The following PCDHGB2 variants were observed in gnomAD, a reference collection of about 807,000 sequenced individuals.
PCDHGB2 encodes the protein protocadherin gamma subfamily B, 2, also known as protocadherin gamma-B2.
In PCDHGB2, 55 loss-of-function variants were observed where a neutral mutation model predicts 59.3. That is an observed-to-expected ratio of 0.93 (90% CI 0.75 to 1.16). The LOEUF (loss-of-function observed/expected upper bound fraction) is 1.16, where lower values mean the gene tolerates loss of function less well. PCDHGB2 is among the 50% of genes most tolerant of loss of function. The probability of loss-of-function intolerance (pLI) is 0.00; values close to 1 mark genes in which losing one functional copy is unlikely to be tolerated. For synonymous variants in PCDHGB2, 516 were observed against 512.0 expected, an observed-to-expected ratio of 1.01 and a Z score of -0.11; for missense variants, 1,228 against 1,198.5, an observed-to-expected ratio of 1.02 and a Z score of -0.36.
At chr5:141,400,264 C>G (rs1184804812) in intron 1 of PCDHGB2, 2 of 1,614,058 alleles carry the variant, frequency 1.2e-6, no homozygotes. Context: ...GCGCCTGCGA[C>G]GCTCCTCCAG....
intron 1 of PCDHGB2, among the ~76,000 whole-genome samples, chr5:141,454,796 A>AT (rs61612330): frequency 0.026 from 2,045 of 77,400 alleles, 387 homozygotes; most frequent in East Asian, 0.04. Flanking sequence ...CATGGTTCTA[A>AT]TTTTTTTTTT....
At position 141,431,735 on chromosome 5, in the gene PCDHGB2, G is replaced by A. The variant is rs2097411908; in HGVS notation, c.2422-63072G>A. 1.2e-6 allele frequency: 2 copies of A among 1,614,118 alleles called. No homozygotes were observed. Among genetic ancestry groups the A allele is most frequent in the Non-Finnish European group, 1.7e-6 (2 of 1,180,056 alleles). On this transcript the variant is annotated intron_variant, in intron 1 of 3. Transcript: ENST00000522605. The surrounding 1 kb of genome is among the most constrained non-coding windows in gnomAD (Gnocchi z 4.8). ...GGAAGTGCAAGCAATGGATAATGCAGGATATTCTGCGCGAGCCAAAGTCCT... is the reference window on the plus strand; with the variant it reads ...GGAAGTGCAAGCAATGGATAATGCAAGATATTCTGCGCGAGCCAAAGTCCT...
At chr5:141,407,032 CAT>C (rs2094880022) in intron 1 of PCDHGB2, among the ~76,000 whole-genome samples, 1 of 152,174 alleles carries the variant, frequency 6.6e-6, no homozygotes, top group African/African-American at 2.4e-5. Flanking sequence ...CTATGCTAAA[CAT>C]GTGATCCATA....
intron 1 of PCDHGB2, chr5:141,415,644 A>G: frequency 6.2e-7 from 1 of 1,600,070 alleles, no homozygotes; most frequent in Non-Finnish European, 8.5e-7. Flanking sequence ...CTTTTGTTAA[A>G]AAAAAAAAGA....
rs140184617 is a variant in PCDHGB2, at chr5:141,405,523, G to A, written c.2421+42967G>A. ...CAACCTCCGCCTCCCAAATTCAAGC[G>A]ATTCTCCTGCCTCAGCCTCCCAAGT... is the stretch of plus-strand genomic sequence containing the variant. On this transcript the variant is annotated intron_variant, in intron 1 of 3. Transcript: ENST00000522605. 5.4e-4 allele frequency: 366 copies of A among 679,318 alleles called. 4 individuals carry two copies. In the East Asian group the frequency reaches 9.7e-3, roughly 18 times the overall value. The allele number at this position is 679,318 out of a possible 1,614,324, so 42.1% of individuals were successfully genotyped here.
chr5:141,471,206 T>C (rs113465424), intron 1 of PCDHGB2: 16,891 of 151,686 alleles, frequency 0.11, 970 homozygotes, highest in South Asian at 0.15. Context: ...CCCACCCCCA[T>C]GCCTGGCAAT....
At chr5:141,385,263 T>C in intron 1 of PCDHGB2, 1 of 1,613,672 alleles carries the variant, frequency 6.2e-7, no homozygotes, top group Non-Finnish European at 8.5e-7. Flanking sequence ...GTGAGAAAAA[T>C]GATTCTTTGC....
Position 141,384,659 on chromosome 5 carries a change from T to A in PCDHGB2, c.2421+22103T>A, listed in dbSNP as rs375759581. ...CCCCGCTCCGCAGAGCCCGGCTACC[T>A]GGTGACCAAGGTGGTGGCGGTGGAC... is the stretch of plus-strand genomic sequence containing the variant. On this transcript the variant is annotated intron_variant, in intron 1 of 3. Transcript: ENST00000522605. The A allele has an allele frequency of 3.1e-6, 5 of 1,614,076 alleles. No individual in the cohort carries two copies. In the African/African-American group the frequency reaches 6.7e-5, roughly 22 times the overall value.
intron 1 of PCDHGB2, chr5:141,366,727 A>G: frequency 1.2e-6 from 2 of 1,613,036 alleles, no homozygotes; most frequent in Non-Finnish European, 1.7e-6. Context: ...AGGTAGATGC[A>G]AACAAAGAAG....
intron 1 of PCDHGB2, chr5:141,372,737 A>G (rs1451601916): frequency 6.2e-7 from 1 of 1,613,388 alleles, no homozygotes; most frequent in African/African-American, 1.3e-5. Context: ...AAGATCTTCT[A>G]TGTGATGAAG....
At chr5:141,433,422 A>G (rs1172678396) in intron 1 of PCDHGB2, among the ~76,000 whole-genome samples, 1 of 150,646 alleles carries the variant, frequency 6.6e-6, no homozygotes, top group Admixed American at 6.6e-5. Context: ...TCTTGTACAG[A>G]CAGGAGTCTC....
chr5:141,511,237 T>C lies in PCDHGB2; in HGVS notation c.*64T>C, dbSNP rs886816274. 1.9e-6 allele frequency: 3 copies of C among 1,590,378 alleles called. No homozygotes were observed. The South Asian group carries it at 3.4e-5, about 18-fold the overall frequency. ...CCAACCAGCCCAGCTTCTCCTTACC[T>C]GCACCCAGGCCTCAGAGTTTCAGGG... On this transcript the variant is annotated 3_prime_UTR_variant, in exon 4 of 4. Coordinates refer to ENST00000522605, the MANE Select transcript of PCDHGB2 (RefSeq NM_018923.3).
chr5:141,403,632 G>A (rs759489331), intron 1 of PCDHGB2: 2 of 1,613,916 alleles, frequency 1.2e-6, no homozygotes, highest in Admixed American at 1.7e-5. Context: ...AGCACAGTGC[G>A]CATCCATGTG....
chr5:141,505,679 G>A (rs1350871637), intron 3 of PCDHGB2, among the ~76,000 whole-genome samples, 198 bp downstream of exon 3: 24 of 152,172 alleles, frequency 1.6e-4, no homozygotes, highest in Non-Finnish European at 3.5e-4. Flanking sequence ...TGGGGGTCCT[G>A]GGATGCCTGG....
rs73279071 is a variant in PCDHGB2 at position 141,386,620 on chromosome 5, C to G, written c.2421+24064C>G. 8.3e-3 allele frequency among the ~76,000 whole-genome samples: 1,265 copies of G among 151,666 alleles called. 17 individuals carry two copies. The highest frequency in any genetic ancestry group is 0.029 in the African/African-American group (1,203 of 41,334). On this transcript the variant is annotated intron_variant, in intron 1 of 3. Transcript: ENST00000522605. ...ATTTTTTTTTTTTGACATGGAGTCTCGCTCTGTCACCCAGGCTGGATACAT... is the reference window on the plus strand; with the variant it reads ...ATTTTTTTTTTTTGACATGGAGTCTGGCTCTGTCACCCAGGCTGGATACAT...
At chr5:141,419,413 C>T (rs568417008) in intron 1 of PCDHGB2, 4 of 1,613,444 alleles carry the variant, frequency 2.5e-6, no homozygotes, top group African/African-American at 1.3e-5. Flanking sequence ...TCGCGCAGCG[C>T]GCCTTCGACC....
rs201378410 is a variant in PCDHGB2, at chr5:141,414,802, G to T, written c.2421+52246G>T. Reference sequence around the variant, plus strand: ...GCAGGTGACAGCCAGCGACAGCGGGGATCCTCCACTCAGCAGCAACGTGTC... The same window carrying T: ...GCAGGTGACAGCCAGCGACAGCGGGTATCCTCCACTCAGCAGCAACGTGTC... On this transcript the variant is annotated intron_variant, in intron 1 of 3. Coordinates refer to ENST00000522605, the MANE Select transcript of PCDHGB2 (RefSeq NM_018923.3). The T allele has an allele frequency of 4.3e-6, 7 of 1,614,226 alleles. No homozygotes were observed. The African/African-American group carries it at 8.0e-5, about 18-fold the overall frequency.
Position 141,477,952 on chromosome 5 carries a change from A to C in PCDHGB2, c.2422-16855A>C, listed in dbSNP as rs907708638. The C allele has an allele frequency of 1.2e-6, 2 of 1,614,038 alleles. No individual in the cohort carries two copies. Among genetic ancestry groups the C allele is most frequent in the Non-Finnish European group, 1.7e-6 (2 of 1,180,002 alleles). Reference sequence around the variant, plus strand: ...CCTGGCTCTCCTACAGTCTCTTGGGATCCCCTAACCAGAGCCTTTTTGCCA... The same window carrying C: ...CCTGGCTCTCCTACAGTCTCTTGGGCTCCCCTAACCAGAGCCTTTTTGCCA... On this transcript the variant is annotated intron_variant, in intron 1 of 3. Coordinates refer to ENST00000522605, the MANE Select transcript of PCDHGB2 (RefSeq NM_018923.3). This position sits in a 1 kb window ranked among gnomAD's most constrained non-coding sequence, Gnocchi z 4.9.
intron 1 of PCDHGB2, chr5:141,427,972 C>A: frequency 6.3e-7 from 1 of 1,593,948 alleles, no homozygotes; most frequent in Non-Finnish European, 8.6e-7. Context: ...GTGCTGTACC[C>A]CGCGCTGGGG....
Sources: allele counts gnomAD v4.1 joint callset (sites outside exome capture counted in the v4.1 genomes callset), GRCh38; gene constraint gnomAD v4.1.1; non-coding constraint Gnocchi (gnomAD v3.1); transcripts MANE v1.5; gene names NCBI Gene and HGNC (gene_info 2026-07-23, HGNC 2026-07-21).